The following ZDHHC7 variants were observed in gnomAD, a reference collection of about 807,000 sequenced individuals.
ZDHHC7 encodes the protein zDHHC palmitoyltransferase 7, also known as palmitoyltransferase ZDHHC7.
ZDHHC7 carries 12 observed loss-of-function variants against 34.1 expected under a neutral mutation model. That is an observed-to-expected ratio of 0.35 (90% CI 0.23 to 0.57). The LOEUF (loss-of-function observed/expected upper bound fraction) is 0.57. Among genes scored for constraint, ZDHHC7 ranks in the 20% least tolerant of loss-of-function variants. The probability of loss-of-function intolerance (pLI) is 0.84; values close to 1 mark genes in which losing one functional copy is unlikely to be tolerated. For synonymous variants in ZDHHC7, 185 were observed against 155.4 expected, an observed-to-expected ratio of 1.19 and a Z score of -1.42; for missense variants, 388 against 402.7, an observed-to-expected ratio of 0.96 and a Z score of 0.31.
chr16:85,001,329 G>A (rs2072649732), intron 1 of ZDHHC7, among the ~76,000 whole-genome samples: 1 of 152,052 alleles, frequency 6.6e-6, no homozygotes, highest in South Asian at 2.1e-4. Flanking sequence ...AAATTAGCCA[G>A]GCATGGTGGC....
the ZDHHC7 span, among the ~76,000 whole-genome samples, chr16:85,023,858 G>A: frequency 1.3e-5 from 2 of 151,696 alleles, no homozygotes; most frequent in African/African-American, 2.4e-5. Context: ...GAGCTCAGGT[G>A]ATCTGCCTCG....
Position 84,997,307 on chromosome 16 carries a change from C to T in ZDHHC7, c.-103-1300G>A, listed in dbSNP as rs190528559. ...TTTTTGAGATGGAGTCTTGCTCTGT[C>T]GCCCAGGCTGGAGTGCAGTGGCGCA... On this transcript the variant is annotated intron_variant, in intron 1 of 7. Coordinates refer to ENST00000313732, the MANE Select transcript of ZDHHC7 (RefSeq NM_017740.3). Among the ~76,000 whole-genome samples the T allele has an allele frequency of 5.6e-4, 74 of 133,116 alleles. No homozygotes were observed. In the East Asian group the frequency reaches 0.015, roughly 28 times the overall value. The allele number at this position is 133,116 out of a possible 152,430, so 87.3% of individuals were successfully genotyped here.
chr16:85,002,891 C>T (rs1419210787), intron 1 of ZDHHC7, among the ~76,000 whole-genome samples: 5 of 151,794 alleles, frequency 3.3e-5, no homozygotes, highest in South Asian at 4.2e-4. Context: ...CTATGGAGAC[C>T]GCAAAATGGA....
the ZDHHC7 span, among the ~76,000 whole-genome samples, chr16:85,025,330 A>G: frequency 7.2e-5 from 11 of 151,888 alleles, no homozygotes; most frequent in Admixed American, 5.2e-4. Flanking sequence ...GAAGAGTGGG[A>G]GAGACCAAGT....
chr16:84,978,326 G>A (rs898441068), intron 5 of ZDHHC7, among the ~76,000 whole-genome samples: 7 of 152,206 alleles, frequency 4.6e-5, no homozygotes, highest in Non-Finnish European at 2.9e-5. Context: ...AAAGGCTGAT[G>A]ACACATCATG....
intron 1 of ZDHHC7, among the ~76,000 whole-genome samples, chr16:84,997,061 T>C (rs2072588524): frequency 6.7e-6 from 1 of 150,090 alleles, no homozygotes; most frequent in African/African-American, 2.5e-5. Context: ...ACACGATTCA[T>C]GAAAGAGCAC....
At chr16:85,024,268 G>T in the ZDHHC7 span, among the ~76,000 whole-genome samples, 4 of 122,926 alleles carry the variant, frequency 3.3e-5, no homozygotes, top group African/African-American at 1.3e-4. Context: ...GTCTTGCTCT[G>T]TTGCCTAGGC....
chr16:84,974,979 G>C lies in ZDHHC7; in HGVS notation c.*1364C>G, dbSNP rs149744142. ...AGGAGGGAGACGCCAACTTCTCTTA[G>C]TGTGGAGGGCAAGCATAAAGGAAGA... is the stretch of plus-strand genomic sequence containing the variant. On this transcript the variant is annotated 3_prime_UTR_variant, in exon 8 of 8. Coordinates refer to ENST00000313732, the MANE Select transcript of ZDHHC7 (RefSeq NM_017740.3). 2.7e-4 allele frequency: 42 copies of C among 152,844 alleles called. 1 individual carries two copies. The highest frequency in any genetic ancestry group is 1.0e-3 in the African/African-American group (42 of 41,578). 9.5% of individuals were successfully genotyped at this position (152,844 alleles called of 1,614,324 possible). A position where few individuals can be genotyped will look rare whatever the true frequency, so the allele number is the denominator to read the frequency against.
intron 1 of ZDHHC7, among the ~76,000 whole-genome samples, chr16:85,003,696 C>T (rs1006480044): frequency 1.3e-5 from 2 of 152,134 alleles, no homozygotes; most frequent in African/African-American, 4.8e-5. Context: ...AGTGACATTG[C>T]CTGACCTTTC....
chr16:85,008,275 T>C (rs2072744030), intron 1 of ZDHHC7, among the ~76,000 whole-genome samples: 2 of 152,034 alleles, frequency 1.3e-5, no homozygotes, highest in African/African-American at 4.8e-5. Flanking sequence ...GGGCAATCAA[T>C]CAATCAATCA....
intron 2 of ZDHHC7, among the ~76,000 whole-genome samples, chr16:84,994,044 T>C (rs1421103294): frequency 6.6e-6 from 1 of 152,214 alleles, no homozygotes; most frequent in East Asian, 1.9e-4. Context: ...TGGAAGTTTC[T>C]CTGCCTCCGC....
At chr16:85,006,322 G>C (rs536947579) in intron 1 of ZDHHC7, among the ~76,000 whole-genome samples, 73 of 152,204 alleles carry the variant, frequency 4.8e-4, no homozygotes, top group African/African-American at 1.7e-3. Flanking sequence ...CTGCATCACT[G>C]TACTCCAGCC....
chr16:84,992,633 A>C (rs8058916), intron 2 of ZDHHC7, among the ~76,000 whole-genome samples: 2 of 152,002 alleles, frequency 1.3e-5, no homozygotes, highest in African/African-American at 4.8e-5. Context: ...CTTTGCCATG[A>C]GGAGAAAATA....
chr16:85,005,464 T>A (rs2072706502), intron 1 of ZDHHC7, among the ~76,000 whole-genome samples: 1 of 152,168 alleles, frequency 6.6e-6, no homozygotes, highest in Admixed American at 6.5e-5. Flanking sequence ...AAGCCAGGCG[T>A]ATCACGAGCT....
At chr16:85,008,840 G>A (rs2072752009) in intron 1 of ZDHHC7, among the ~76,000 whole-genome samples, 1 of 151,870 alleles carries the variant, frequency 6.6e-6, no homozygotes. Context: ...GAGGTCAGGA[G>A]TTGGAGACCA....
the ZDHHC7 span, among the ~76,000 whole-genome samples, chr16:85,020,698 G>T: frequency 6.6e-6 from 1 of 152,158 alleles, no homozygotes; most frequent in Non-Finnish European, 1.5e-5. Flanking sequence ...AGACCACACA[G>T]AAAGCTTGGA....
intron 4 of ZDHHC7, among the ~76,000 whole-genome samples, chr16:84,979,977 T>TG (rs2072346590): frequency 8.5e-6 from 1 of 117,972 alleles, no homozygotes; most frequent in Non-Finnish European, 1.7e-5. Flanking sequence ...TTTTTTGAGA[T>TG]GGAGTCTTGC....
chr16:84,990,761 A>C (rs1232660862), intron 2 of ZDHHC7, 126 bp from the exon 3 acceptor site: 1 of 724,068 alleles, frequency 1.4e-6, no homozygotes, highest in Non-Finnish European at 2.2e-6. Flanking sequence ...AGTGGGAAAG[A>C]ACATAAAAAC....
chr16:85,023,873 C>T, the ZDHHC7 span, among the ~76,000 whole-genome samples: 1 of 152,126 alleles, frequency 6.6e-6, no homozygotes, highest in Non-Finnish European at 1.5e-5. Context: ...GCCTCGGCCT[C>T]CCAAAGTGCT....
Sources: allele counts gnomAD v4.1 joint callset (sites outside exome capture counted in the v4.1 genomes callset), GRCh38; gene constraint gnomAD v4.1.1; transcripts MANE v1.5; gene names NCBI Gene and HGNC (gene_info 2026-07-23, HGNC 2026-07-21).